CRTC1: variants seen among roughly 807,000 people sequenced by gnomAD.
CRTC1 encodes CREB-regulated transcription coactivator 1.
Under a neutral mutation model 66.1 loss-of-function variants are expected in CRTC1, and 18 were observed. The ratio of observed to expected loss-of-function variants is 0.27; its 90% CI spans 0.19 to 0.40. The LOEUF is 0.40. Ranked by LOEUF, CRTC1 falls within the 10% of genes least tolerant of loss-of-function variation. The probability of loss-of-function intolerance (pLI) is 1.00; values close to 1 mark genes in which losing one functional copy is unlikely to be tolerated. For synonymous variants in CRTC1, 416 were observed against 398.8 expected (o/e 1.04, Z -0.51); for missense variants, 669 against 887.9 (o/e 0.75, Z 3.13).
intron 4 of CRTC1, among the ~76,000 whole-genome samples, chr19:18,747,828 A>G (rs1401214037): frequency 6.6e-6 from 1 of 152,226 alleles, no homozygotes; most frequent in Non-Finnish European, 1.5e-5. Flanking sequence ...CTGTAATCCC[A>G]GCACTTTTGG....
chr19:18,722,920 A>G (rs1259128423), intron 1 of CRTC1, among the ~76,000 whole-genome samples: 1 of 152,026 alleles, frequency 6.6e-6, no homozygotes, highest in East Asian at 1.9e-4. Context: ...AGGTTTGTCC[A>G]TGCTGTAGCA....
chr19:18,768,532 C>T lies in CRTC1; in HGVS notation c.1059C>T (p.Ala353=). The T allele has an allele frequency of 6.2e-7, 1 of 1,609,422 alleles. No individual in the cohort carries two copies. The highest frequency in any genetic ancestry group is 8.5e-7 in the Non-Finnish European group (1 of 1,179,096). ...ALSLEQQLPY[A]FFTQAGSQQP... is the part of the protein sequence containing the mutation. Reference sequence around the variant, plus strand: ...CTCTGGAGCAGCAGCTGCCCTACGCCTTCTTCACCCAGGCGGGCTCCCAGC... The same window carrying T: ...CTCTGGAGCAGCAGCTGCCCTACGCTTTCTTCACCCAGGCGGGCTCCCAGC... The change falls in exon 10 of 14, where the codon GCC becomes GCT. Residue 353 remains alanine (A), a synonymous_variant. Transcript: ENST00000321949. The surrounding 1 kb of genome is among the most constrained non-coding windows in gnomAD (Gnocchi z 5.6).
intron 1 of CRTC1, among the ~76,000 whole-genome samples, chr19:18,702,297 G>A (rs949529506): frequency 2.0e-5 from 3 of 151,124 alleles, no homozygotes; most frequent in African/African-American, 7.3e-5. Context: ...TTGGCTCACT[G>A]TAGCCTCAAT....
rs1405131157 is a variant in CRTC1 at position 18,760,267 on chromosome 19, C to T, written c.886+39C>T. 2 of 1,470,456 alleles carry T rather than the reference C, an allele frequency of 1.4e-6. No individual in the cohort carries two copies. Among genetic ancestry groups the T allele is most frequent in the East Asian group, 2.5e-5 (1 of 40,728 alleles). 91.1% of individuals were successfully genotyped at this position (1,470,456 alleles called of 1,614,324 possible). On this transcript the variant is annotated intron_variant, in intron 8 of 13. Transcript: ENST00000321949. The surrounding 1 kb of genome is among the most constrained non-coding windows in gnomAD (Gnocchi z 6.2). ...ACTCCGCCCTCGGACAGAGCACTGG[C>T]TTGTGGAGACAACACGGGCATCTGC...
intron 12 of CRTC1, 137 bp downstream of exon 12, chr19:18,775,123 C>T (rs980060433): frequency 1.9e-5 from 16 of 835,880 alleles, no homozygotes; most frequent in Non-Finnish European, 2.8e-5. Context: ...CTTTGCCCCT[C>T]GGCCCCCGCC....
intron 1 of CRTC1, among the ~76,000 whole-genome samples, chr19:18,721,027 G>A (rs1232319379): frequency 6.6e-6 from 1 of 152,140 alleles, no homozygotes; most frequent in Non-Finnish European, 1.5e-5. Context: ...GGCTCTAGGG[G>A]AGGATCCTTC....
chr19:18,714,351 A>G (rs978520368), intron 1 of CRTC1, among the ~76,000 whole-genome samples: 9 of 151,896 alleles, frequency 5.9e-5, no homozygotes, highest in Non-Finnish European at 1.0e-4. Context: ...TCTGTCACCT[A>G]GGCTGGAGTA....
chr19:18,778,104 T>C lies in CRTC1; in HGVS notation c.*722T>C, dbSNP rs2055035067. 4.3e-6 allele frequency: 1 copy of C among 232,552 alleles called. No homozygotes were observed. The highest frequency in any genetic ancestry group is 5.6e-5 in the Admixed American group (1 of 17,768). 14.4% of individuals were successfully genotyped at this position (232,552 alleles called of 1,614,324 possible). ...CCCTGCCTCACCGCAGGCAGGCCCA[T>C]CGGTGGCCACCTTTGCCGGGAAGTG... On this transcript the variant is annotated 3_prime_UTR_variant, in exon 14 of 14. Coordinates refer to ENST00000321949, the MANE Select transcript of CRTC1 (RefSeq NM_015321.3).
At chr19:18,719,000 C>T (rs778396065) in intron 1 of CRTC1, among the ~76,000 whole-genome samples, 2 of 152,072 alleles carry the variant, frequency 1.3e-5, no homozygotes, top group Non-Finnish European at 2.9e-5. Flanking sequence ...GCAGAGGGAG[C>T]AGGGAGGCCT....
chr19:18,729,033 G>A lies in CRTC1; in HGVS notation c.127-13877G>A, dbSNP rs1205263826. ...CCACCATGTTGGCCAGGCTGGTCTCGAACTCCTGACCTCAGGTGATCCACC... is the reference window on the plus strand; with the variant it reads ...CCACCATGTTGGCCAGGCTGGTCTCAAACTCCTGACCTCAGGTGATCCACC... On this transcript the variant is annotated intron_variant, in intron 1 of 13. Transcript: ENST00000321949. Among the ~76,000 whole-genome samples the A allele has an allele frequency of 3.3e-5, 5 of 149,426 alleles. No individual in the cohort carries two copies. In the East Asian group the frequency reaches 6.1e-4, roughly 18 times the overall value.
At position 18,778,121 on chromosome 19, in the gene CRTC1, C is replaced by A. The variant is rs925113625; in HGVS notation, c.*739C>A. 4.3e-5 allele frequency: 10 copies of A among 232,712 alleles called. No individual in the cohort carries two copies. Among genetic ancestry groups the A allele is most frequent in the African/African-American group, 2.2e-4 (10 of 45,286 alleles). The allele number at this position is 232,712 out of a possible 1,614,324, so 14.4% of individuals were successfully genotyped here. On this transcript the variant is annotated 3_prime_UTR_variant, in exon 14 of 14. Transcript: ENST00000321949. Reference sequence around the variant, plus strand: ...CAGGCCCATCGGTGGCCACCTTTGCCGGGAAGTGACCGGAAGGCCCCGTGA... The same window carrying A: ...CAGGCCCATCGGTGGCCACCTTTGCAGGGAAGTGACCGGAAGGCCCCGTGA...
At chr19:18,708,399 G>A (rs1046321120) in intron 1 of CRTC1, among the ~76,000 whole-genome samples, 1 of 152,296 alleles carries the variant, frequency 6.6e-6, no homozygotes, top group African/African-American at 2.4e-5. Flanking sequence ...GAGGAGAGGT[G>A]AACCCAGGGT....
chr19:18,740,952 C>G (rs1220626260), intron 1 of CRTC1, among the ~76,000 whole-genome samples: 1 of 152,158 alleles, frequency 6.6e-6, no homozygotes, highest in Non-Finnish European at 1.5e-5. Context: ...TTGTAGTGAG[C>G]CAAGATGGCG....
At chr19:18,747,980 G>A (rs1264252522) in intron 4 of CRTC1, among the ~76,000 whole-genome samples, 1 of 152,152 alleles carries the variant, frequency 6.6e-6, no homozygotes, top group African/African-American at 2.4e-5. Context: ...GGGAGGCTGA[G>A]GTGGGAGAAT....
chr19:18,710,828 G>C (rs1600809081), intron 1 of CRTC1, among the ~76,000 whole-genome samples: 1 of 152,254 alleles, frequency 6.6e-6, no homozygotes, highest in Non-Finnish European at 1.5e-5. Context: ...TGTTGCCCAG[G>C]CTGGTCTCGA....
Position 18,760,236 on chromosome 19 carries a change from A to G in CRTC1, c.886+8A>G. The G allele has an allele frequency of 6.3e-7, 1 of 1,582,882 alleles. No individual in the cohort carries two copies. The highest frequency in any genetic ancestry group is 8.6e-7 in the Non-Finnish European group (1 of 1,165,342). ...TCGGTGGCGCCGGCCAGGGTAAGGC[A>G]GGGACACTCCGCCCTCGGACAGAGC... On this transcript the variant is annotated splice_region_variant and intron_variant, in intron 8 of 13. Transcript: ENST00000321949. This position sits in a 1 kb window ranked among gnomAD's most constrained non-coding sequence, Gnocchi z 6.2.
At chr19:18,694,545 A>C (rs2052937865) in intron 1 of CRTC1, among the ~76,000 whole-genome samples, 2 of 151,892 alleles carry the variant, frequency 1.3e-5, no homozygotes. Context: ...CGATCCTCCC[A>C]CCTCAGCCCC....
At chr19:18,770,207 G>A (rs1008679812) in intron 10 of CRTC1, among the ~76,000 whole-genome samples, 1 of 152,246 alleles carries the variant, frequency 6.6e-6, no homozygotes, top group Non-Finnish European at 1.5e-5. Context: ...GGACAAGAGA[G>A]TGGTCTGAAT....
chr19:18,777,081 T>G lies in CRTC1; in HGVS notation c.1694-90T>G. On this transcript the variant is annotated intron_variant, in intron 13 of 13. Coordinates refer to ENST00000321949, the MANE Select transcript of CRTC1 (RefSeq NM_015321.3). This position sits in a 1 kb window ranked among gnomAD's most constrained non-coding sequence, Gnocchi z 5.5. ...TTGCCAGCATACCCAGGGGACAGAG[T>G]CGCCCGGCGGGCATGCCTGGTCCGA... 1 of 735,426 alleles carries G rather than the reference T, an allele frequency of 1.4e-6. No homozygotes were observed. The highest frequency in any genetic ancestry group is 2.4e-6 in the Non-Finnish European group (1 of 421,096). 45.6% of individuals were successfully genotyped at this position (735,426 alleles called of 1,614,324 possible). A position where few individuals can be genotyped will look rare whatever the true frequency, so the allele number is the denominator to read the frequency against.
Sources: gnomAD v4.1 joint callset for allele counts (sites outside exome capture counted in the v4.1 genomes callset) on GRCh38, gnomAD v4.1.1 for gene constraint, Gnocchi (gnomAD v3.1) non-coding constraint, MANE v1.5 for transcripts, NCBI Gene and HGNC (gene_info 2026-07-23, HGNC 2026-07-21) for gene names.